Variants in TTYH3 observed in about 807,000 individuals in gnomAD.
TTYH3 encodes tweety family member 3.
Under a neutral mutation model 68.2 loss-of-function variants are expected in TTYH3, and 23 were observed. The ratio of observed to expected loss-of-function variants is 0.34; its 90% CI spans 0.24 to 0.48. The LOEUF (loss-of-function observed/expected upper bound fraction) is 0.48. Among genes scored for constraint, TTYH3 ranks in the 20% least tolerant of loss-of-function variants. The pLI is 0.99. For synonymous variants in TTYH3, 360 were observed against 332.8 expected (o/e 1.08, Z -0.89); for missense variants, 768 against 727.7 (o/e 1.06, Z -0.64).
intron 9 of TTYH3, 118 bp from the exon 10 acceptor site, chr7:2,655,974 A>C: frequency 1.3e-6 from 1 of 759,772 alleles, no homozygotes; most frequent in Non-Finnish European, 2.1e-6. Flanking sequence ...GGTGGGGGGT[A>C]TCTCAGTCGA....
intron 8 of TTYH3, among the ~76,000 whole-genome samples, chr7:2,652,501 G>T (rs956892419): frequency 7.2e-5 from 11 of 152,222 alleles, no homozygotes; most frequent in Admixed American, 7.2e-4. Flanking sequence ...TTTGCTCCTT[G>T]GATTGGCCTT....
rs758178753 is a variant in TTYH3, at chr7:2,663,440, G to C, written c.*1701G>C. The C allele has an allele frequency of 6.5e-6, 1 of 152,750 alleles. No homozygotes were observed. Among genetic ancestry groups the C allele is most frequent in the Non-Finnish European group, 1.5e-5 (1 of 68,170 alleles). The allele number at this position is 152,750 out of a possible 1,614,324, so 9.5% of individuals were successfully genotyped here. On this transcript the variant is annotated 3_prime_UTR_variant, in exon 14 of 14. Coordinates refer to ENST00000258796, the MANE Select transcript of TTYH3 (RefSeq NM_025250.3). ...AGGGGGAATATGGGAGGGCAGAGTG[G>C]GGAGGGGAGTCCATGGGCCTGGGGC... is the stretch of plus-strand genomic sequence containing the variant.
intron 1 of TTYH3, among the ~76,000 whole-genome samples, chr7:2,637,692 G>C (rs1785716846): frequency 1.3e-5 from 2 of 152,186 alleles, no homozygotes; most frequent in Admixed American, 6.5e-5. Flanking sequence ...TGGCCACCGG[G>C]GAATTGGCAT....
At position 2,662,109 on chromosome 7, in the gene TTYH3, C is replaced by T. The variant is rs769185037; in HGVS notation, c.*370C>T. 9.2e-5 allele frequency: 41 copies of T among 444,950 alleles called. No individual in the cohort carries two copies. The highest frequency in any genetic ancestry group is 1.5e-4 in the Non-Finnish European group (36 of 240,570). 27.6% of individuals were successfully genotyped at this position (444,950 alleles called of 1,614,324 possible). On this transcript the variant is annotated 3_prime_UTR_variant, in exon 14 of 14. Transcript: ENST00000258796. ...CTCCACAGCTCTCCTTCCTCCCGCC[C>T]GGCACTTCTGTGGACCCCTTCTTAG...
Position 2,658,345 on chromosome 7 carries a change from G to T in TTYH3, c.1310G>T (p.Ser437Ile). 1 of 1,608,412 alleles carries T rather than the reference G, an allele frequency of 6.2e-7. No homozygotes were observed. The highest frequency in any genetic ancestry group is 1.1e-5 in the South Asian group (1 of 90,544). The stretch of plus-strand genomic sequence containing the variant: ...CCAGGGCCGCGGCAGGCGCACGACA[G>T]CCTCTACCGCGTCCACATGCCCAGC... ...AAPGPRQAHD[S>I]LYRVHMPSLY... The change falls in exon 12 of 14, where the codon AGC (serine) becomes ATC (isoleucine). Residue 437 changes from serine (S) to isoleucine (I), a missense_variant. Transcript: ENST00000258796.
chr7:2,647,790 C>A, intron 4 of TTYH3, 152 bp downstream of exon 4: 1 of 1,066,366 alleles, frequency 9.4e-7, no homozygotes, highest in Non-Finnish European at 1.4e-6. Context: ...TGGAGTTCCC[C>A]TAATGGGAGC....
chr7:2,655,509 C>A (rs1475478460), intron 9 of TTYH3, among the ~76,000 whole-genome samples: 1 of 152,246 alleles, frequency 6.6e-6, no homozygotes, highest in Admixed American at 6.5e-5. Context: ...CAGCAATGGG[C>A]CCAGTCACTG....
intron 1 of TTYH3, among the ~76,000 whole-genome samples, chr7:2,635,675 C>G (rs2114970663): frequency 6.6e-6 from 1 of 152,328 alleles, no homozygotes; most frequent in African/African-American, 2.4e-5. Context: ...CTGCTCATTT[C>G]TGACTCCTCC....
intron 5 of TTYH3, chr7:2,648,319 A>G: frequency 2.3e-6 from 1 of 440,238 alleles, no homozygotes; most frequent in South Asian, 3.8e-5. Context: ...GTAGCCCAGG[A>G]CCTGAAGCAA....
At chr7:2,636,858 A>G (rs927819760) in intron 1 of TTYH3, among the ~76,000 whole-genome samples, 1 of 151,942 alleles carries the variant, frequency 6.6e-6, no homozygotes, top group Non-Finnish European at 1.5e-5. Context: ...AAGGGTTCCT[A>G]TATCTGGGCT....
chr7:2,648,212 C>G lies in TTYH3; in HGVS notation c.722+158C>G, dbSNP rs922576804. ...CTGCACTGGGCCTGCTCTGAGATGCCCCTTCTGTGCCTGTGGCCTGTGCCC... is the reference window on the plus strand; with the variant it reads ...CTGCACTGGGCCTGCTCTGAGATGCGCCTTCTGTGCCTGTGGCCTGTGCCC... On this transcript the variant is annotated intron_variant, in intron 5 of 13. Coordinates refer to ENST00000258796, the MANE Select transcript of TTYH3 (RefSeq NM_025250.3). The G allele has an allele frequency of 7.7e-6, 5 of 652,002 alleles. No individual in the cohort carries two copies. In the African/African-American group the frequency reaches 9.1e-5, roughly 12 times the overall value. 40.4% of individuals were successfully genotyped at this position (652,002 alleles called of 1,614,324 possible).
chr7:2,652,105 T>C (rs565762197), intron 7 of TTYH3, 82 bp from the exon 8 acceptor site: 22 of 1,217,510 alleles, frequency 1.8e-5, no homozygotes, highest in South Asian at 1.5e-4. Flanking sequence ...CCTGAAGATA[T>C]GCGTGCAGAC....
Position 2,662,588 on chromosome 7 carries a change from C to A in TTYH3, c.*849C>A, listed in dbSNP as rs776989261. On this transcript the variant is annotated 3_prime_UTR_variant, in exon 14 of 14. Transcript: ENST00000258796. ...GCTGGGGCTGCGGGCTGAGGGGGAC[C>A]GCTGGCACCCCCCTTCCCTCCCTTC... 1 of 153,054 alleles carries A rather than the reference C, an allele frequency of 6.5e-6. No individual in the cohort carries two copies. Among genetic ancestry groups the A allele is most frequent in the Admixed American group, 6.5e-5 (1 of 15,278 alleles). 9.5% of individuals were successfully genotyped at this position (153,054 alleles called of 1,614,324 possible).
At chr7:2,654,372 G>C (rs770312450) in intron 9 of TTYH3, among the ~76,000 whole-genome samples, 1 of 152,072 alleles carries the variant, frequency 6.6e-6, no homozygotes, top group Non-Finnish European at 1.5e-5. Context: ...CCCAGCCTGG[G>C]CAACAGAGCA....
intron 9 of TTYH3, among the ~76,000 whole-genome samples, chr7:2,653,810 C>T (rs1449618311): frequency 1.3e-5 from 2 of 152,182 alleles, no homozygotes; most frequent in East Asian, 1.9e-4. Context: ...TTGCGGTGAG[C>T]GGAGATCACG....
chr7:2,638,907 G>A (rs1019454176), intron 1 of TTYH3, among the ~76,000 whole-genome samples: 1 of 152,106 alleles, frequency 6.6e-6, no homozygotes, highest in African/African-American at 2.4e-5. Flanking sequence ...TCCCAGTGGC[G>A]GGCCCCTGAC....
Position 2,632,191 on chromosome 7 carries a change from G to C in TTYH3, c.36G>C (p.Val12=), listed in dbSNP as rs774776598. The C allele has an allele frequency of 3.3e-6, 5 of 1,528,188 alleles. No individual in the cohort carries two copies. The highest frequency in any genetic ancestry group is 2.0e-5 in the Admixed American group (1 of 50,990). 94.7% of individuals were successfully genotyped at this position (1,528,188 alleles called of 1,614,324 possible). ...TCAGCTACGCGGCGCCCTGGTGGGT[G>C]AGCCTCCTGCACCGGCTGCCCCACT... ...AGVSYAAPWW[V]SLLHRLPHFD... is the part of the protein sequence containing the mutation. Residue 12 remains valine (V), a synonymous_variant, in exon 1 of 14, where the codon GTG becomes GTC. Transcript: ENST00000258796.
intron 1 of TTYH3, among the ~76,000 whole-genome samples, chr7:2,638,574 C>T (rs1409573859): frequency 2.0e-5 from 3 of 152,108 alleles, no homozygotes; most frequent in African/African-American, 4.8e-5. Flanking sequence ...ACCTGGACCT[C>T]GGACCTCAGG....
At chr7:2,646,351 C>T (rs894927717) in intron 1 of TTYH3, among the ~76,000 whole-genome samples, 5 of 152,194 alleles carry the variant, frequency 3.3e-5, no homozygotes, top group Admixed American at 2.0e-4. Flanking sequence ...AAACCAGGCT[C>T]GGAGAGGTGG....
Sources: allele counts gnomAD v4.1 joint callset (sites outside exome capture counted in the v4.1 genomes callset), GRCh38; gene constraint gnomAD v4.1.1; transcripts MANE v1.5; gene names NCBI Gene and HGNC (gene_info 2026-07-23, HGNC 2026-07-21).